The following SERF2 variants were observed in gnomAD, a reference collection of about 807,000 sequenced individuals.
SERF2 encodes small EDRK-rich factor 2.
Under a neutral mutation model 10.7 loss-of-function variants are expected in SERF2, and 4 were observed. That is an observed-to-expected ratio of 0.37 (90% CI 0.18 to 0.86). The LOEUF (loss-of-function observed/expected upper bound fraction) is 0.86, where lower values mean the gene tolerates loss of function less well. Ranked by LOEUF, SERF2 falls within the 40% of genes least tolerant of loss-of-function variation. SERF2 has a pLI of 0.43. For synonymous variants in SERF2, 26 were observed against 26.0 expected (o/e 1.00, Z 0.01); for missense variants, 47 against 79.1 (o/e 0.59, Z 1.54).
intron 1 of SERF2, among the ~76,000 whole-genome samples, chr15:43,779,979 CT>C (rs929170446): frequency 6.6e-6 from 1 of 152,074 alleles, no homozygotes; most frequent in South Asian, 2.1e-4. Flanking sequence ...ATTCAGCACA[CT>C]TTGTAATTAT....
At chr15:43,781,592 C>CTT (rs565641402) in intron 1 of SERF2, among the ~76,000 whole-genome samples, 1,939 of 134,570 alleles carry the variant, frequency 0.014, 64 homozygotes, top group African/African-American at 0.051. Context: ...TGCATTTTTC[C>CTT]TTTTTTTTTT....
chr15:43,795,937 A>G lies in SERF2; in HGVS notation c.*2164A>G, dbSNP rs2141689781. 1.6e-6 allele frequency: 1 copy of G among 642,394 alleles called. No homozygotes were observed. Among genetic ancestry groups the G allele is most frequent in the East Asian group, 2.7e-5 (1 of 36,532 alleles). The allele number at this position is 642,394 out of a possible 1,614,324, so 39.8% of individuals were successfully genotyped here. On this transcript the variant is annotated 3_prime_UTR_variant, in exon 3 of 3. Coordinates refer to ENST00000249786, the MANE Select transcript of SERF2 (RefSeq NM_001018108.4). ...TTGTGCCTCGATTTCTCCATTTGTA[A>G]AATGGAGCAAATACCTACCTCACAG...
Position 43,795,162 on chromosome 15 carries a change from G to C in SERF2, c.*1389G>C, listed in dbSNP as rs138021432. On this transcript the variant is annotated 3_prime_UTR_variant, in exon 3 of 3. Coordinates refer to ENST00000249786, the MANE Select transcript of SERF2 (RefSeq NM_001018108.4). ...AGCATGAGGCAACCTTGACCCAGAA[G>C]GTGGCCCAGCTACCCTTGATGAAGG... The C allele has an allele frequency of 1.9e-6, 3 of 1,614,144 alleles. No homozygotes were observed. Among genetic ancestry groups the C allele is most frequent in the Non-Finnish European group, 2.5e-6 (3 of 1,180,034 alleles).
chr15:43,795,428 C>G lies in SERF2; in HGVS notation c.*1655C>G. The G allele has an allele frequency of 6.2e-7, 1 of 1,614,144 alleles. No homozygotes were observed. The highest frequency in any genetic ancestry group is 8.5e-7 in the Non-Finnish European group (1 of 1,180,026). ...AGGGTAACCATGACATAGAGTGAGG[C>G]AAGGAAGAAGACGAAGTGGAAGGCA... is the stretch of plus-strand genomic sequence containing the variant. On this transcript the variant is annotated 3_prime_UTR_variant, in exon 3 of 3. Coordinates refer to ENST00000249786, the MANE Select transcript of SERF2 (RefSeq NM_001018108.4).
upstream of SERF2, among the ~76,000 whole-genome samples, chr15:43,788,353 C>G (rs1166081340): frequency 2.6e-5 from 4 of 151,842 alleles, no homozygotes; most frequent in African/African-American, 9.7e-5. Context: ...GTCTTGATCT[C>G]CTGACCTCGT....
Position 43,793,967 on chromosome 15 carries a change from G to A in SERF2, c.*194G>A. The A allele has an allele frequency of 1.3e-6, 2 of 1,537,012 alleles. No individual in the cohort carries two copies. Among genetic ancestry groups the A allele is most frequent in the Non-Finnish European group, 1.8e-6 (2 of 1,141,010 alleles). On this transcript the variant is annotated 3_prime_UTR_variant, in exon 3 of 3. Coordinates refer to ENST00000249786, the MANE Select transcript of SERF2 (RefSeq NM_001018108.4). ...CTCTCTCCCCCTGGGCCACTCCCGG[G>A]GGTGAGGGGGTTACCCCTTCCCAGT... is the stretch of plus-strand genomic sequence containing the variant.
At chr15:43,792,613 T>C in intron 1 of SERF2, 1 of 1,434,904 alleles carries the variant, frequency 7.0e-7, no homozygotes, top group Non-Finnish European at 9.1e-7. Context: ...TTCCGCGGTG[T>C]AAGGAGAAGG....
At chr15:43,792,484 G>T (rs113724618) in intron 1 of SERF2, 101 bp downstream of exon 1, 22 of 1,599,766 alleles carry the variant, frequency 1.4e-5, no homozygotes, top group Non-Finnish European at 1.9e-5. Context: ...CCCTAGCAAG[G>T]CGTTTCTCTG....
upstream of SERF2, chr15:43,792,188 A>T (rs1461649048): frequency 1.6e-6 from 1 of 617,082 alleles, no homozygotes; most frequent in African/African-American, 1.8e-5. Context: ...TCCGCCACTT[A>T]CCCACCCCGG....
chr15:43,782,365 T>C (rs1371396084), intron 1 of SERF2, among the ~76,000 whole-genome samples: 1 of 152,194 alleles, frequency 6.6e-6, no homozygotes, highest in Non-Finnish European at 1.5e-5. Flanking sequence ...CCATATTATG[T>C]TCACATTTTC....
In SERF2 at chr15:43,793,216, G is replaced by C. The variant is rs1215880240; in HGVS notation, c.116+133G>C. ...GAGCAGAGTGCATTGCTTCCTCTAG[G>C]GTTTTATTTCCTCCCCACCCTCCAA... On this transcript the variant is annotated intron_variant, in intron 2 of 2. Coordinates refer to ENST00000249786, the MANE Select transcript of SERF2 (RefSeq NM_001018108.4). The C allele has an allele frequency of 9.6e-6, 6 of 625,062 alleles. No individual in the cohort carries two copies. The Admixed American group carries it at 1.7e-4, about 18-fold the overall frequency. The allele number at this position is 625,062 out of a possible 1,614,324, so 38.7% of individuals were successfully genotyped here.
At chr15:43,786,410 G>A in intron 2 of SERF2, among the ~76,000 whole-genome samples, 1 of 117,758 alleles carries the variant, frequency 8.5e-6, no homozygotes, top group South Asian at 2.8e-4. Context: ...GCAAGACTCT[G>A]TCTCAAAAAA....
intron 1 of SERF2, 137 bp downstream of exon 1, chr15:43,792,520 C>A (rs2087086321): frequency 1.5e-5 from 23 of 1,540,010 alleles, no homozygotes; most frequent in South Asian, 2.3e-5. Context: ...CACCCTCACA[C>A]TCGGTGCCCG....
At chr15:43,780,730 T>G (rs1293986224) in intron 1 of SERF2, among the ~76,000 whole-genome samples, 1 of 152,148 alleles carries the variant, frequency 6.6e-6, no homozygotes, top group Non-Finnish European at 1.5e-5. Context: ...TGAACCTGAA[T>G]AATGACAATC....
At chr15:43,793,420 T>G (rs528538818) in intron 2 of SERF2, 2 of 730,692 alleles carry the variant, frequency 2.7e-6, no homozygotes, top group Non-Finnish European at 4.4e-6. Flanking sequence ...TTCTCCTCCC[T>G]TCTCCCAACC....
rs1596040522 is a variant in SERF2 at position 43,793,054 on chromosome 15, C to T, written c.87C>T (p.Asp29=). Reference sequence around the variant, plus strand: ...CGGTTAAGGGAAAGCGCCGAGATGACGGGCTTTCTGCTGCCGCCCGCAAGC... The same window carrying T: ...CGGTTAAGGGAAAGCGCCGAGATGATGGGCTTTCTGCTGCCGCCCGCAAGC... ...SDSVKGKRRD[D]GLSAAARKQR... Residue 29 remains aspartate, a synonymous_variant, in exon 2 of 3, where the codon GAC becomes GAT. Coordinates refer to ENST00000249786, the MANE Select transcript of SERF2 (RefSeq NM_001018108.4). 2 of 1,612,438 alleles carry T rather than the reference C, an allele frequency of 1.2e-6. No homozygotes were observed. The highest frequency in any genetic ancestry group is 1.1e-5 in the South Asian group (1 of 90,956).
Position 43,795,851 on chromosome 15 carries a change from G to T in SERF2, c.*2078G>T. ...TATTAAAAAGTGGAGGCACACCTGG[G>T]TTCAAATTCTAGCTCCAGCATATAA... On this transcript the variant is annotated 3_prime_UTR_variant, in exon 3 of 3. Coordinates refer to ENST00000249786, the MANE Select transcript of SERF2 (RefSeq NM_001018108.4). The T allele has an allele frequency of 1.9e-6, 2 of 1,051,292 alleles. No individual in the cohort carries two copies. The highest frequency in any genetic ancestry group is 2.7e-6 in the Non-Finnish European group (2 of 728,670). 65.1% of individuals were successfully genotyped at this position (1,051,292 alleles called of 1,614,324 possible). A position where few individuals can be genotyped will look rare whatever the true frequency, so the allele number is the denominator to read the frequency against.
In SERF2 at chr15:43,795,273, T is replaced by C. The variant is rs1168332631; in HGVS notation, c.*1500T>C. The C allele has an allele frequency of 6.3e-7, 1 of 1,593,204 alleles. No individual in the cohort carries two copies. The highest frequency in any genetic ancestry group is 8.6e-7 in the Non-Finnish European group (1 of 1,161,682). On this transcript the variant is annotated 3_prime_UTR_variant, in exon 3 of 3. Coordinates refer to ENST00000249786, the MANE Select transcript of SERF2 (RefSeq NM_001018108.4). ...AGGGCCTTAGCTTTTAGACCTGTTC[T>C]ACCTCCTCACCAAATATAATGGCAG... is the stretch of plus-strand genomic sequence containing the variant.
chr15:43,777,392 C>A (rs2086928956), exon 1 of SERF2: 4 of 295,616 alleles, frequency 1.4e-5, no homozygotes, highest in Admixed American at 1.3e-4. Flanking sequence ...CCCCGAGCTT[C>A]GGAGACCCGA....
Sources: allele counts gnomAD v4.1 joint callset (sites outside exome capture counted in the v4.1 genomes callset), GRCh38; gene constraint gnomAD v4.1.1; transcripts MANE v1.5; gene names NCBI Gene and HGNC (gene_info 2026-07-23, HGNC 2026-07-21).